The following RELN variants were observed in gnomAD, a reference collection of about 807,000 sequenced individuals.
RELN encodes the protein reelin.
Under a neutral mutation model 427.6 loss-of-function variants are expected in RELN, and 108 were observed. That is an observed-to-expected ratio of 0.25 (90% CI 0.22 to 0.30). RELN has a LOEUF of 0.30. RELN is among the 10% of genes least tolerant of loss of function. RELN has a pLI of 1.00. For missense variants in RELN, 3,715 were observed against 4,302.8 expected (o/e 0.86, Z 3.82); for synonymous variants, 1,524 against 1,513.4 (o/e 1.01, Z -0.16).
At chr7:103,525,096 TTCTCTG>T (rs932247269) in intron 46 of RELN, among the ~76,000 whole-genome samples, 2 of 152,026 alleles carry the variant, frequency 1.3e-5, no homozygotes, top group African/African-American at 4.8e-5. Flanking sequence ...CATATTCTCT[TTCTCTG>T]TCTCTGTCTC....
chr7:103,959,849 C>T (rs1046520046), intron 1 of RELN, among the ~76,000 whole-genome samples: 1 of 152,158 alleles, frequency 6.6e-6, no homozygotes, highest in Non-Finnish European at 1.5e-5. Flanking sequence ...ATCCTCTTGC[C>T]TCAGCCTCCC....
chr7:103,565,346 A>C lies in RELN; in HGVS notation c.5142T>G (p.Ser1714Arg). The part of the protein sequence containing the change: ...PTIGCLHYTE[S>R]SIYTSERFQN... Reference sequence around the variant, plus strand: ...GGAATCTTTCCGAGGTGTAAATTGAACTTTCCGTGTAATGCAGACAGCCAA... The same window carrying C: ...GGAATCTTTCCGAGGTGTAAATTGACCTTTCCGTGTAATGCAGACAGCCAA... Residue 1714 changes from serine to arginine, a missense_variant, in exon 34 of 65, where the codon AGT becomes AGG. Transcript: ENST00000428762. 1.2e-6 allele frequency: 2 copies of C among 1,614,104 alleles called. No homozygotes were observed. The highest frequency in any genetic ancestry group is 1.1e-5 in the South Asian group (1 of 91,084).
intron 20 of RELN, chr7:103,628,337 A>G (rs79083851): frequency 0.04 from 6,147 of 152,326 alleles, 167 homozygotes; most frequent in East Asian, 0.14. Context: ...TTGAGATCGC[A>G]CCATTGCACT....
intron 4 of RELN, among the ~76,000 whole-genome samples, chr7:103,774,910 T>A (rs76616225): frequency 0.04 from 6,163 of 152,262 alleles, 180 homozygotes; most frequent in African/African-American, 0.081. Context: ...ACTGTGTAAA[T>A]CATGCTTATG....
In RELN at chr7:103,486,349, T is replaced by A; in HGVS notation, c.9831A>T (p.Arg3277Ser). 1 of 1,614,154 alleles carries A rather than the reference T, an allele frequency of 6.2e-7. No individual in the cohort carries two copies. Among genetic ancestry groups the A allele is most frequent in the Admixed American group, 1.7e-5 (1 of 60,022 alleles). The change falls in exon 61 of 65, where the codon AGA becomes AGT. Residue 3277 changes from arginine to serine, a missense_variant. Transcript: ENST00000428762. The stretch of plus-strand genomic sequence containing the variant: ...TGGTCTCCCAGTTTGCCTCGGTGAC[T>A]CTTGCGGACTCAAAATTATCTTTAA... ...SYIKDNFESA[R>S]VTEANWETIQ...
intron 63 of RELN, among the ~76,000 whole-genome samples, chr7:103,481,406 G>T (rs997778982): frequency 3.9e-5 from 6 of 152,156 alleles, no homozygotes; most frequent in Non-Finnish European, 8.8e-5. Context: ...GGCACAGGAA[G>T]CCCCATTAAT....
intron 1 of RELN, among the ~76,000 whole-genome samples, chr7:103,929,171 C>T (rs148519459): frequency 9.6e-4 from 134 of 139,506 alleles, no homozygotes; most frequent in South Asian, 1.8e-3. Flanking sequence ...CTGTTGGAGT[C>T]TTTATTGCAG....
chr7:103,718,179 C>G (rs760196853), intron 8 of RELN, among the ~76,000 whole-genome samples: 4 of 151,972 alleles, frequency 2.6e-5, no homozygotes, highest in African/African-American at 9.7e-5. Flanking sequence ...CAGAGTGGCT[C>G]TCATTCATCT....
intron 51 of RELN, among the ~76,000 whole-genome samples, chr7:103,510,494 T>G (rs1385015317): frequency 1.4e-5 from 2 of 146,048 alleles, no homozygotes; most frequent in African/African-American, 5.0e-5. Context: ...TGTCGGGGAG[T>G]GGAGGAGGGA....
intron 2 of RELN, among the ~76,000 whole-genome samples, chr7:103,835,163 A>C (rs1204535411): frequency 6.6e-6 from 1 of 152,224 alleles, no homozygotes; most frequent in Non-Finnish European, 1.5e-5. Flanking sequence ...GAAACTTAAT[A>C]TGCGTATTAC....
chr7:103,784,688 G>A (rs763558158), intron 3 of RELN, among the ~76,000 whole-genome samples: 110 of 152,132 alleles, frequency 7.2e-4, no homozygotes, highest in South Asian at 1.0e-3. Context: ...TTATGAACCT[G>A]AAGGGGTGTT....
Position 103,630,140 on chromosome 7 carries a change from C to G in RELN, c.2502G>C (p.Gln834His). 1.2e-6 allele frequency: 2 copies of G among 1,613,272 alleles called. No homozygotes were observed. Among genetic ancestry groups the G allele is most frequent in the Non-Finnish European group, 1.7e-6 (2 of 1,179,558 alleles). ...ISVELPGDAK[Q>H]FGIQFRWWQP... Reference sequence around the variant, plus strand: ...GCCACCATCTGAACTGAATTCCAAACTGCTTTGCATCACCTGGTAGTTCTA... The same window carrying G: ...GCCACCATCTGAACTGAATTCCAAAGTGCTTTGCATCACCTGGTAGTTCTA... Residue 834 changes from glutamine (Q) to histidine (H), a missense_variant, in exon 20 of 65, where the codon CAG (glutamine) becomes CAC (histidine). By Grantham distance (24) the Gln-to-His change is conservative. Transcript: ENST00000428762.
chr7:103,933,563 CA>C (rs1795911464), intron 1 of RELN, among the ~76,000 whole-genome samples: 2 of 151,858 alleles, frequency 1.3e-5, no homozygotes, highest in Admixed American at 6.6e-5. Flanking sequence ...GGCAGGCAGT[CA>C]AGAAGGAAGG....
chr7:103,886,266 G>A (rs757912656), intron 2 of RELN, among the ~76,000 whole-genome samples: 1 of 152,152 alleles, frequency 6.6e-6, no homozygotes, highest in Non-Finnish European at 1.5e-5. Context: ...TTGTTAATAG[G>A]ATAGAGAACT....
rs532556459 is a variant in RELN, at chr7:103,551,004, G to A, written c.6302+63C>T. 82 of 1,371,518 alleles carry A rather than the reference G, an allele frequency of 6.0e-5. No homozygotes were observed. In the East Asian group the frequency reaches 1.4e-3, roughly 24 times the overall value. The allele number at this position is 1,371,518 out of a possible 1,614,324, so 85.0% of individuals were successfully genotyped here. On this transcript the variant is annotated intron_variant, in intron 41 of 64. Coordinates refer to ENST00000428762, the MANE Select transcript of RELN (RefSeq NM_005045.4). ...CCCCATGATAAAGTGGCAAGTGAAC[G>A]ATGACTTCAGGAATAAACTGTCAAA...
At chr7:103,742,769 G>T (rs890852493) in intron 6 of RELN, among the ~76,000 whole-genome samples, 4 of 152,218 alleles carry the variant, frequency 2.6e-5, no homozygotes, top group African/African-American at 9.6e-5. Flanking sequence ...TATGTGAAAA[G>T]ACCAAATCTA....
intron 12 of RELN, among the ~76,000 whole-genome samples, chr7:103,659,401 A>G (rs1005897138): frequency 6.6e-6 from 1 of 152,096 alleles, no homozygotes; most frequent in Non-Finnish European, 1.5e-5. Flanking sequence ...ATTAAAGAAA[A>G]CACTATTCTG....
At chr7:103,963,059 A>G (rs1796592288) in intron 1 of RELN, among the ~76,000 whole-genome samples, 2 of 152,084 alleles carry the variant, frequency 1.3e-5, no homozygotes, top group African/African-American at 4.8e-5. Context: ...AGTGATGGGA[A>G]CAATAAGACA....
At chr7:103,846,229 A>T (rs1793673511) in intron 2 of RELN, among the ~76,000 whole-genome samples, 2 of 152,224 alleles carry the variant, frequency 1.3e-5, no homozygotes, top group South Asian at 2.1e-4. Flanking sequence ...GTATGAAAAC[A>T]GATATACAGA....
Sources: allele counts gnomAD v4.1 joint callset (sites outside exome capture counted in the v4.1 genomes callset), GRCh38; gene constraint gnomAD v4.1.1; transcripts MANE v1.5; gene names NCBI Gene and HGNC (gene_info 2026-07-23, HGNC 2026-07-21).